The following MPZL3 variants were observed in gnomAD, a reference collection of about 807,000 sequenced individuals.
The protein encoded by MPZL3 is myelin protein zero like 3.
Under a neutral mutation model 24.8 loss-of-function variants are expected in MPZL3, and 23 were observed. The ratio of observed to expected loss-of-function variants is 0.93; its 90% CI spans 0.67 to 1.31. MPZL3 has a LOEUF of 1.31. Among genes scored for constraint, MPZL3 ranks in the 40% most tolerant of loss-of-function variants. MPZL3 has a pLI of 0.00. For missense variants in MPZL3, 277 were observed against 294.9 expected (o/e 0.94, Z 0.44); for synonymous variants, 99 against 106.5 (o/e 0.93, Z 0.44).
rs377617481 is a variant in MPZL3 at position 118,252,145 on chromosome 11, CT to C, written c.73+76del. 354 of 1,507,406 alleles carry C rather than the reference CT, an allele frequency of 2.3e-4. 1 individual carries two copies. In the African/African-American group the frequency reaches 4.1e-3, roughly 18 times the overall value. The allele number at this position is 1,507,406 out of a possible 1,614,324, so 93.4% of individuals were successfully genotyped here. A position where few individuals can be genotyped will look rare whatever the true frequency, so the allele number is the denominator to read the frequency against. On this transcript the variant is annotated intron_variant, in intron 1 of 5. Coordinates refer to ENST00000278949, the MANE Select transcript of MPZL3 (RefSeq NM_198275.3). ...ATGCGGGGGCTTTCTGGAGACCCCC[CT>C]ACCCGGAACCGGAAAAGCGACCATC...
chr11:118,233,219 C>T (rs773137684), intron 5 of MPZL3, among the ~76,000 whole-genome samples: 1 of 152,112 alleles, frequency 6.6e-6, no homozygotes, highest in Non-Finnish European at 1.5e-5. Flanking sequence ...AACTACTCTA[C>T]GTGGCCCCCT....
At chr11:118,235,678 T>C (rs1318090870) in intron 3 of MPZL3, 89 bp from the exon 4 acceptor site, 3 of 1,306,062 alleles carry the variant, frequency 2.3e-6, no homozygotes, top group East Asian at 4.9e-5. Context: ...TTTGCTCTTA[T>C]ATTTCTTCTG....
At chr11:118,241,931 AAAT>A (rs1044449130) in intron 1 of MPZL3, among the ~76,000 whole-genome samples, 22 of 152,284 alleles carry the variant, frequency 1.4e-4, no homozygotes, top group Admixed American at 3.9e-4. Context: ...GTGCCTTTGC[AAAT>A]GCTGTCCCTC....
intron 1 of MPZL3, among the ~76,000 whole-genome samples, chr11:118,241,347 G>A (rs1420400020): frequency 6.6e-6 from 1 of 152,190 alleles, no homozygotes; most frequent in Non-Finnish European, 1.5e-5. Context: ...ACGCTGTCCT[G>A]AAAATCGGCA....
At chr11:118,233,611 G>C in intron 4 of MPZL3, 88 bp from the exon 5 acceptor site, 1 of 1,396,302 alleles carries the variant, frequency 7.2e-7, no homozygotes, top group Non-Finnish European at 1.0e-6. Flanking sequence ...AATCAGACAG[G>C]TCTGGTTTTA....
At chr11:118,247,199 T>C (rs1037449949) in intron 1 of MPZL3, among the ~76,000 whole-genome samples, 1 of 152,200 alleles carries the variant, frequency 6.6e-6, no homozygotes, top group Non-Finnish European at 1.5e-5. Context: ...TGATGTACTT[T>C]ATACAGTTAG....
At chr11:118,241,087 C>T (rs190950056) in intron 1 of MPZL3, among the ~76,000 whole-genome samples, 141 of 152,322 alleles carry the variant, frequency 9.3e-4, no homozygotes, top group African/African-American at 3.3e-3. Context: ...TAGAGACTTA[C>T]GTCTTCCAAA....
At chr11:118,247,455 G>A (rs1436975374) in intron 1 of MPZL3, among the ~76,000 whole-genome samples, 1 of 152,144 alleles carries the variant, frequency 6.6e-6, no homozygotes, top group East Asian at 1.9e-4. Flanking sequence ...AGCTACACAG[G>A]TTAAGTCCCT....
chr11:118,243,836 T>C (rs1949527026), intron 1 of MPZL3, among the ~76,000 whole-genome samples: 4 of 152,134 alleles, frequency 2.6e-5, no homozygotes, highest in Admixed American at 2.0e-4. Context: ...ATACACAGGT[T>C]TCTCCCATCC....
Position 118,239,558 on chromosome 11 carries a change from A to G in MPZL3, c.240+653T>C, listed in dbSNP as rs560535698. 9.8e-5 allele frequency among the ~76,000 whole-genome samples: 15 copies of G among 152,362 alleles called. No homozygotes were observed. In the South Asian group the frequency reaches 1.0e-3, roughly 11 times the overall value. ...AAATTTTATAGCATTTTAATCTTCA[A>G]TTAGACACCTACAATGAAACTTGGA... On this transcript the variant is annotated intron_variant, in intron 2 of 5. Transcript: ENST00000278949.
At chr11:118,235,361 G>A in intron 4 of MPZL3, 63 bp downstream of exon 4, 1 of 1,522,200 alleles carries the variant, frequency 6.6e-7, no homozygotes, top group Non-Finnish European at 8.9e-7. Context: ...TGTGGATGTG[G>A]GGGTCTGGGT....
At chr11:118,241,493 G>A (rs970601619) in intron 1 of MPZL3, among the ~76,000 whole-genome samples, 6 of 152,182 alleles carry the variant, frequency 3.9e-5, no homozygotes, top group Admixed American at 3.9e-4. Context: ...TACTTCTTCA[G>A]TCTTCTCAGC....
At chr11:118,242,081 C>G (rs1420181533) in intron 1 of MPZL3, among the ~76,000 whole-genome samples, 1 of 152,184 alleles carries the variant, frequency 6.6e-6, no homozygotes, top group African/African-American at 2.4e-5. Context: ...ACAATCTACA[C>G]TCTCCCCATG....
intron 2 of MPZL3, 85 bp from the exon 3 acceptor site, chr11:118,237,345 A>C: frequency 8.1e-7 from 1 of 1,232,310 alleles, no homozygotes; most frequent in African/African-American, 1.5e-5. Flanking sequence ...AATAAAATAC[A>C]ACTGTATAAT....
intron 5 of MPZL3, among the ~76,000 whole-genome samples, chr11:118,231,199 C>T (rs1412561920): frequency 6.6e-6 from 1 of 152,196 alleles, no homozygotes; most frequent in African/African-American, 2.4e-5. Context: ...CCCAAATCAT[C>T]CAATAATCAA....
rs752324548 is a variant in MPZL3, at chr11:118,235,542, A to G, written c.499T>C (p.Phe167Leu). Reference protein sequence around the residue: ...SSVALLSILVFVPSAVVVALL... With the variant: ...SSVALLSILVLVPSAVVVALL... ...GCAACCACCACGGCTGAGGGCACAA[A>G]GACAAGGATGGAAAGAAGGGCCACA... The change falls in exon 4 of 6, where the codon TTT (phenylalanine) becomes CTT (leucine). Residue 167 changes from phenylalanine (F) to leucine (L), a missense_variant. Coordinates refer to ENST00000278949, the MANE Select transcript of MPZL3 (RefSeq NM_198275.3). 7 of 1,614,042 alleles carry G rather than the reference A, an allele frequency of 4.3e-6. No homozygotes were observed. In the East Asian group the frequency reaches 1.6e-4, roughly 36 times the overall value.
At position 118,229,166 on chromosome 11, in the gene MPZL3, CAA is replaced by C. The variant is rs1476179003; in HGVS notation, c.*726_*727del. ...AAAAAAAAAGCAAGACAGAAAATAACAAAGACTCCTTAGCCCAAATTGTACCA... is the reference window on the plus strand; with the variant it reads ...AAAAAAAAAGCAAGACAGAAAATAACAGACTCCTTAGCCCAAATTGTACCA... On this transcript the variant is annotated 3_prime_UTR_variant, in exon 6 of 6. Transcript: ENST00000278949. 2 of 134,676 alleles carry C rather than the reference CAA, an allele frequency of 1.5e-5. No individual in the cohort carries two copies. Among genetic ancestry groups the C allele is most frequent in the African/African-American group, 5.9e-5 (2 of 33,654 alleles). The allele number at this position is 134,676 out of a possible 1,614,324, so 8.3% of individuals were successfully genotyped here. A position where few individuals can be genotyped will look rare whatever the true frequency, so the allele number is the denominator to read the frequency against.
intron 2 of MPZL3, 110 bp downstream of exon 2, chr11:118,240,101 A>G: frequency 9.2e-7 from 1 of 1,086,398 alleles, no homozygotes. Flanking sequence ...TTAAAGTAGA[A>G]GCCCATCTTC....
chr11:118,240,960 T>A (rs1036825548), intron 1 of MPZL3, among the ~76,000 whole-genome samples: 1 of 152,224 alleles, frequency 6.6e-6, no homozygotes, highest in African/African-American at 2.4e-5. Flanking sequence ...AGTTTTTCCC[T>A]TTTTCTTAAA....
Sources: gnomAD v4.1 joint callset for allele counts (sites outside exome capture counted in the v4.1 genomes callset) on GRCh38, gnomAD v4.1.1 for gene constraint, MANE v1.5 for transcripts, NCBI Gene and HGNC (gene_info 2026-07-23, HGNC 2026-07-21) for gene names.